ZNF683: variants seen among roughly 807,000 people sequenced by gnomAD.
ZNF683 encodes zinc finger protein 683.
A neutral mutation model predicts 31.4 loss-of-function variants in ZNF683; 20 were observed. The observed-to-expected ratio is 0.64, with a 90% CI of 0.45 to 0.93. The LOEUF is 0.93. ZNF683 is among the 40% of genes least tolerant of loss of function. The pLI, the probability that ZNF683 is intolerant of heterozygous loss-of-function variation, is 0.00. For synonymous variants in ZNF683, 264 were observed against 267.6 expected (o/e 0.99, Z 0.13); for missense variants, 621 against 637.2 (o/e 0.97, Z 0.27).
Position 26,361,762 on chromosome 1 carries a change from G to A in ZNF683, c.1404C>T (p.Gly468=). ...LMAVASEKHM[G]YDIDEVKVSS... is the part of the protein sequence containing the mutation. ...ACACTTTGACCTCATCTATGTCATAGCCCATGTGTTTCTCAGATGCCACCG... is the reference window on the plus strand; with the variant it reads ...ACACTTTGACCTCATCTATGTCATAACCCATGTGTTTCTCAGATGCCACCG... Residue 468 remains glycine, a synonymous_variant, in exon 6 of 6, where the codon GGC becomes GGT. Transcript: ENST00000349618. 6.2e-7 allele frequency: 1 copy of A among 1,614,040 alleles called. No individual in the cohort carries two copies. Among genetic ancestry groups the A allele is most frequent in the Non-Finnish European group, 8.5e-7 (1 of 1,179,906 alleles).
chr1:26,365,042 G>A lies in ZNF683; in HGVS notation c.504C>T (p.Ser168=), dbSNP rs760292864. The A allele has an allele frequency of 7.5e-6, 12 of 1,600,992 alleles. No individual in the cohort carries two copies. Among genetic ancestry groups the A allele is most frequent in the South Asian group, 1.1e-5 (1 of 88,754 alleles). The part of the protein sequence containing the change: ...PPPLQNRKSP[S]PLAFCPCPPV... ...GGGGACAGGGGCAGAAAGCCAAGGG[G>A]CTGGGGCTCTTTCTGTTCTGCAGCG... Residue 168 remains serine (S), a synonymous_variant, in exon 4 of 6, where the codon AGC becomes AGT. Transcript: ENST00000349618.
rs904162434 is a variant in ZNF683 at position 26,364,731 on chromosome 1, C to T, written c.815G>A (p.Arg272Gln). The change falls in exon 4 of 6, where the codon CGA (arginine) becomes CAA (glutamine). Residue 272 changes from arginine to glutamine, a missense_variant. Coordinates refer to ENST00000349618, the MANE Select transcript of ZNF683 (RefSeq NM_001114759.3). Reference protein sequence around the residue: ...ASGQALPSQARNPGAGAAPTD... With the variant: ...ASGQALPSQAQNPGAGAAPTD... ...TGGGGCAGCTCCAGCACCTGGATTT[C>T]GGGCCTGGGAAGGCAGAGCTTGGCC... The T allele has an allele frequency of 3.7e-6, 6 of 1,613,690 alleles. No individual in the cohort carries two copies. The highest frequency in any genetic ancestry group is 2.2e-5 in the East Asian group (1 of 44,894).
chr1:26,361,955 C>G lies in ZNF683; in HGVS notation c.1211G>C (p.Arg404Pro), dbSNP rs748428223. Residue 404 changes from arginine to proline, a missense_variant, in exon 6 of 6, where the codon CGG (arginine) becomes CCG (proline). By Grantham distance (103) the Arg-to-Pro change is moderately radical (BLOSUM62 -2). Coordinates refer to ENST00000349618, the MANE Select transcript of ZNF683 (RefSeq NM_001114759.3). ...CCGGCAGACACTGCACTGGAAGGGCCGGGCCCCGGAGTGCAGGCGCAGGTG... is the reference window on the plus strand; with the variant it reads ...CCGGCAGACACTGCACTGGAAGGGCGGGGCCCCGGAGTGCAGGCGCAGGTG... ...KTHLRLHSGARPFQCSVCRSR... is the reference protein window; with the variant it reads ...KTHLRLHSGAPPFQCSVCRSR... The G allele has an allele frequency of 6.2e-7, 1 of 1,613,926 alleles. No homozygotes were observed. The highest frequency in any genetic ancestry group is 8.5e-7 in the Non-Finnish European group (1 of 1,179,882).
At position 26,363,136 on chromosome 1, in the gene ZNF683, T is replaced by G. The variant is rs1271417562; in HGVS notation, c.1033A>C (p.Ser345Arg). ...SNLKVHLRVH[S>R]GERPFQCALC... ...GCACACTGGAATGGACGCTCTCCACTGTGCACACGCAGGTGGACCTGAGTC... is the reference window on the plus strand; with the variant it reads ...GCACACTGGAATGGACGCTCTCCACGGTGCACACGCAGGTGGACCTGAGTC... The change falls in exon 5 of 6, where the codon AGT (serine) becomes CGT (arginine). Residue 345 changes from serine to arginine, a missense_variant. Physicochemically the swap from Ser to Arg is moderately radical, Grantham distance 110. Coordinates refer to ENST00000349618, the MANE Select transcript of ZNF683 (RefSeq NM_001114759.3). 2 of 1,611,874 alleles carry G rather than the reference T, an allele frequency of 1.2e-6. No homozygotes were observed. The highest frequency in any genetic ancestry group is 3.3e-5 in the Admixed American group (2 of 59,844).
At chr1:26,363,911 T>C (rs750983846) in intron 4 of ZNF683, among the ~76,000 whole-genome samples, 6 of 152,190 alleles carry the variant, frequency 3.9e-5, no homozygotes, top group Non-Finnish European at 8.8e-5. Context: ...CTTCTCCCCA[T>C]AACCACAATG....
chr1:26,368,496 A>G lies in ZNF683; in HGVS notation c.76T>C (p.Ser26Pro). The G allele has an allele frequency of 3.1e-6, 5 of 1,600,222 alleles. No homozygotes were observed. Among genetic ancestry groups the G allele is most frequent in the Non-Finnish European group, 4.3e-6 (5 of 1,173,658 alleles). ...AAGAGCTGGAAGTCCAGGCTGGGGG[A>G]CAGGGAGCCCCCTGTACCTCCCAGG... The part of the protein sequence containing the change: ...MALGGTGGSL[S>P]PSLDFQLFRG... Residue 26 changes from serine to proline, a missense_variant, in exon 2 of 6, where the codon TCC becomes CCC. By Grantham distance (74) the Ser-to-Pro change is moderately conservative (BLOSUM62 -1). Transcript: ENST00000349618.
chr1:26,362,221 C>T (rs990763574), intron 5 of ZNF683, 199 bp from the exon 6 acceptor site: 21 of 1,546,616 alleles, frequency 1.4e-5, no homozygotes, highest in Non-Finnish European at 1.5e-5. Flanking sequence ...TCCTTTACTC[C>T]ATGTGTGACC....
Position 26,365,104 on chromosome 1 carries a change from G to A in ZNF683, c.442C>T (p.Pro148Ser), listed in dbSNP as rs2074488967. 1 of 1,607,242 alleles carries A rather than the reference G, an allele frequency of 6.2e-7. No homozygotes were observed. Residue 148 changes from proline (P) to serine (S), a missense_variant, in exon 4 of 6, where the codon CCA becomes TCA. Coordinates refer to ENST00000349618, the MANE Select transcript of ZNF683 (RefSeq NM_001114759.3). ...GAGCTGTTATGAGAGGAGAAGGCTG[G>A]GCAGGGGGCCCCCTCGCCAGCTCTT... ...PERAGEGAPC[P>S]AFSSHNSSSP...
At chr1:26,368,665 A>G in intron 1 of ZNF683, 80 bp from the exon 2 acceptor site, 1 of 1,433,356 alleles carries the variant, frequency 7.0e-7, no homozygotes. Context: ...CTCTCCCATT[A>G]ACATGCTGCA....
At chr1:26,364,472 G>C (rs938872666) in intron 4 of ZNF683, 60 bp downstream of exon 4, 15 of 1,585,826 alleles carry the variant, frequency 9.5e-6, no homozygotes, top group Non-Finnish European at 1.2e-5. Context: ...AAGCAGACTC[G>C]GGTGCATGGG....
chr1:26,367,676 T>G lies in ZNF683; in HGVS notation c.236A>C (p.Asp79Ala), dbSNP rs1306956459. The change falls in exon 3 of 6, where the codon GAC becomes GCC. Residue 79 changes from aspartate (D) to alanine (A), a missense_variant. Physicochemically the swap from Asp to Ala is moderately radical, Grantham distance 126. Coordinates refer to ENST00000349618, the MANE Select transcript of ZNF683 (RefSeq NM_001114759.3). ...TGGGGTGCACAGGTTCAGGTCCAGG[T>G]CCTGTAGGCAGGCCAGCAGTGCAGA... is the stretch of plus-strand genomic sequence containing the variant. ...GRSALLACLQ[D>A]LDLNLCTPQP... The G allele has an allele frequency of 6.2e-7, 1 of 1,612,520 alleles. No homozygotes were observed. The highest frequency in any genetic ancestry group is 8.5e-7 in the Non-Finnish European group (1 of 1,179,686).
intron 1 of ZNF683, among the ~76,000 whole-genome samples, chr1:26,369,703 ACCTGTAGTCC>A (rs1169134631): frequency 9.7e-5 from 12 of 124,126 alleles, no homozygotes; most frequent in African/African-American, 4.5e-4. Context: ...GGTGGCTCAC[ACCTGTAGTCC>A]CAGCTACTAG....
In ZNF683 at chr1:26,368,605, G is replaced by GAGGT; in HGVS notation, c.-14-24_-14-21dup. The GAGGT allele has an allele frequency of 2.5e-6, 4 of 1,569,150 alleles. No homozygotes were observed. The highest frequency in any genetic ancestry group is 3.5e-6 in the Non-Finnish European group (4 of 1,158,900). On this transcript the variant is annotated intron_variant, in intron 1 of 5. Coordinates refer to ENST00000349618, the MANE Select transcript of ZNF683 (RefSeq NM_001114759.3). ...TACCTGCTGGGAAACAGGTGAGTTA[G>GAGGT]AGGTAAGCTGTGAAGGTCCTCCAAA...
chr1:26,364,631 G>C lies in ZNF683; in HGVS notation c.915C>G (p.Gly305=). 6.2e-7 allele frequency: 1 copy of C among 1,614,034 alleles called. No individual in the cohort carries two copies. The highest frequency in any genetic ancestry group is 8.5e-7 in the Non-Finnish European group (1 of 1,179,902). The change falls in exon 4 of 6, where the codon GGC becomes GGG. Residue 305 remains glycine (G), a synonymous_variant. Coordinates refer to ENST00000349618, the MANE Select transcript of ZNF683 (RefSeq NM_001114759.3). ...TCAGCGGGTAAGGCAAGGCTGCGGT[G>C]CCTGTCTGGGAACTCAATGGGACCC... ...AKRVPLSSQT[G]TAALPYPLKK... is the part of the protein sequence containing the mutation.
chr1:26,370,829 G>A (rs950391478), intron 1 of ZNF683: 5 of 652,332 alleles, frequency 7.7e-6, no homozygotes, highest in African/African-American at 2.0e-5. Flanking sequence ...AGGCTTGGGG[G>A]CCCTGCAAGG....
At position 26,363,127 on chromosome 1, in the gene ZNF683, G is replaced by GCT. The variant is rs766469240; in HGVS notation, c.1040_1041dup (p.Arg348SerfsTer75). On this transcript the variant is annotated frameshift_variant, in exon 5 of 6. Transcript: ENST00000349618. LOFTEE classifies it high-confidence loss of function. The stretch of plus-strand genomic sequence containing the variant: ...TGGCACAAGGCACACTGGAATGGAC[G>GCT]CTCTCCACTGTGCACACGCAGGTGG... 2.0e-5 allele frequency: 32 copies of GCT among 1,612,254 alleles called. No individual in the cohort carries two copies. In the African/African-American group the frequency reaches 3.7e-4, roughly 19 times the overall value.
chr1:26,371,871 G>A (rs2074677805), intron 1 of ZNF683, among the ~76,000 whole-genome samples: 1 of 151,976 alleles, frequency 6.6e-6, no homozygotes, highest in African/African-American at 2.4e-5. Flanking sequence ...GGTCGAGACT[G>A]CAGTGAGCTG....
chr1:26,362,274 TG>T, intron 5 of ZNF683: 6 of 1,179,638 alleles, frequency 5.1e-6, no homozygotes, highest in Non-Finnish European at 6.2e-6. Context: ...CTCTCCTCAT[TG>T]GTAACATTGG....
intron 4 of ZNF683, among the ~76,000 whole-genome samples, chr1:26,363,990 T>C (rs7547496): frequency 0.69 from 104,739 of 152,156 alleles, 36,393 homozygotes; most frequent in East Asian, 0.89. Context: ...TGAGATGCGC[T>C]CCCTGGGCGC....
Sources: gnomAD v4.1 joint callset for allele counts (sites outside exome capture counted in the v4.1 genomes callset) on GRCh38, gnomAD v4.1.1 for gene constraint, MANE v1.5 for transcripts, NCBI Gene and HGNC (gene_info 2026-07-23, HGNC 2026-07-21) for gene names.